Variants in GRIP1 observed in about 807,000 individuals in gnomAD.
The protein encoded by GRIP1 is glutamate receptor interacting protein 1.
Under a neutral mutation model 129.9 loss-of-function variants are expected in GRIP1, and 45 were observed. The observed-to-expected ratio is 0.35, with a 90% CI of 0.27 to 0.44. The LOEUF (loss-of-function observed/expected upper bound fraction) is 0.44. Among genes scored for constraint, GRIP1 ranks in the 20% least tolerant of loss-of-function variants. GRIP1 has a pLI of 1.00. For missense variants in GRIP1, 1,196 were observed against 1,396.8 expected (o/e 0.86, Z 2.29); for synonymous variants, 530 against 520.8 (o/e 1.02, Z -0.24).
In GRIP1 at chr12:67,033,158, G is replaced by A. The variant is rs932710710; in HGVS notation, c.58+35892C>T. The stretch of plus-strand genomic sequence containing the variant: ...AAAATAAAGAAACCTCTTTCTTGCC[G>A]CCTAATTATTCCTAGCTATATATAA... On this transcript the variant is annotated intron_variant, in intron 1 of 1. Transcript: ENST00000643019. Among the ~76,000 whole-genome samples, 9 of 151,520 alleles carry A rather than the reference G, an allele frequency of 5.9e-5. No homozygotes were observed. The East Asian group carries it at 7.7e-4, about 13-fold the overall frequency.
At chr12:66,932,532 G>A (rs1368388243) in intron 1 of GRIP1, among the ~76,000 whole-genome samples, 3 of 151,586 alleles carry the variant, frequency 2.0e-5, no homozygotes, top group African/African-American at 7.3e-5. Context: ...TAAGCGAATA[G>A]GTCACTTAAT....
intron 11 of GRIP1, among the ~76,000 whole-genome samples, chr12:66,450,167 G>T (rs569162328): frequency 1.2e-4 from 18 of 151,838 alleles, no homozygotes; most frequent in Non-Finnish European, 2.5e-4. Context: ...AGCCGGGCGT[G>T]GTGGCAGGCG....
chr12:66,769,621 GTC>G (rs982188028), intron 1 of GRIP1, among the ~76,000 whole-genome samples: 1 of 151,986 alleles, frequency 6.6e-6, no homozygotes, highest in African/African-American at 2.4e-5. Flanking sequence ...ATGGAGAAAA[GTC>G]TGTGTATCCT....
intron 1 of GRIP1, among the ~76,000 whole-genome samples, chr12:66,658,838 T>C (rs914341945): frequency 2.0e-5 from 3 of 151,658 alleles, no homozygotes; most frequent in Non-Finnish European, 4.4e-5. Context: ...GGGGGAAGAT[T>C]GCTTCAGCCT....
At chr12:67,003,715 TAAAAATAAATAA>T (rs1315769205) in intron 1 of GRIP1, among the ~76,000 whole-genome samples, 12 of 151,122 alleles carry the variant, frequency 7.9e-5, no homozygotes, top group East Asian at 5.8e-4. Context: ...AATAAATAAA[TAAAAATAAATAA>T]AAAAATAAAT....
At chr12:66,443,170 A>G (rs771170663) in intron 13 of GRIP1, among the ~76,000 whole-genome samples, 3 of 152,340 alleles carry the variant, frequency 2.0e-5, no homozygotes, top group Middle Eastern at 3.4e-3. Context: ...GCCTGTAACC[A>G]AACTTTAGTT....
chr12:67,030,211 AAATAATAAT>A (rs67187831), intron 1 of GRIP1, among the ~76,000 whole-genome samples: 16 of 145,580 alleles, frequency 1.1e-4, no homozygotes, highest in African/African-American at 3.3e-4. Flanking sequence ...ACTCTGTCTC[AAATAATAAT>A]AATAATAATA....
chr12:66,413,708 T>C (rs1191469941), intron 15 of GRIP1, among the ~76,000 whole-genome samples: 3 of 152,176 alleles, frequency 2.0e-5, no homozygotes, highest in African/African-American at 7.2e-5. Context: ...AATAAAATAC[T>C]GGCAAACTGA....
chr12:66,502,359 T>C (rs1248166391), intron 7 of GRIP1, among the ~76,000 whole-genome samples: 1 of 152,228 alleles, frequency 6.6e-6, no homozygotes, highest in African/African-American at 2.4e-5. Context: ...ATCACCATGG[T>C]ACCTAATACA....
At chr12:66,591,973 C>A (rs772729325) in intron 2 of GRIP1, among the ~76,000 whole-genome samples, 14 of 152,132 alleles carry the variant, frequency 9.2e-5, no homozygotes, top group Admixed American at 3.3e-4. Flanking sequence ...CCAGATGAAG[C>A]AGAACCAGGC....
chr12:66,960,052 T>C (rs1040010805), intron 1 of GRIP1, among the ~76,000 whole-genome samples: 2 of 152,172 alleles, frequency 1.3e-5, no homozygotes, highest in African/African-American at 2.4e-5. Context: ...ATATATGGTA[T>C]GTTTAGGAAA....
chr12:66,851,512 G>C (rs2137079807), intron 1 of GRIP1, among the ~76,000 whole-genome samples: 1 of 152,182 alleles, frequency 6.6e-6, no homozygotes, highest in East Asian at 1.9e-4. Context: ...GCAGGTTTCA[G>C]TGCTAATTTG....
chr12:66,764,797 T>A (rs1266400636), intron 1 of GRIP1, among the ~76,000 whole-genome samples: 1 of 152,190 alleles, frequency 6.6e-6, no homozygotes, highest in Admixed American at 6.5e-5. Flanking sequence ...CTCTTGTCTG[T>A]TTTGCAAAGC....
intron 1 of GRIP1, among the ~76,000 whole-genome samples, chr12:66,913,043 A>G (rs1240764448): frequency 1.3e-5 from 2 of 152,224 alleles, no homozygotes; most frequent in Non-Finnish European, 2.9e-5. Context: ...ACTGCCTACA[A>G]TCTTCACCTG....
At chr12:66,521,538 A>C (rs778304302) in intron 5 of GRIP1, among the ~76,000 whole-genome samples, 18 of 152,248 alleles carry the variant, frequency 1.2e-4, no homozygotes, top group Non-Finnish European at 2.2e-4. Context: ...CAAGTGGCCA[A>C]ATAGGAACAG....
chr12:66,959,703 C>T (rs1351558523), intron 1 of GRIP1, among the ~76,000 whole-genome samples: 2 of 152,100 alleles, frequency 1.3e-5, no homozygotes, highest in Non-Finnish European at 2.9e-5. Context: ...ATATGTATCT[C>T]TTTCCACTTT....
chr12:66,601,913 C>G (rs764953943), intron 1 of GRIP1, among the ~76,000 whole-genome samples: 1 of 152,242 alleles, frequency 6.6e-6, no homozygotes, highest in African/African-American at 2.4e-5. Flanking sequence ...ATAATGACAC[C>G]TTCAGTGGAG....
intron 1 of GRIP1, among the ~76,000 whole-genome samples, chr12:66,597,213 G>A (rs1023090851): frequency 6.6e-6 from 1 of 152,292 alleles, no homozygotes; most frequent in Admixed American, 6.5e-5. Flanking sequence ...ACGGTAAGAA[G>A]TATGCAAATA....
chr12:66,841,632 A>T (rs2039718312), intron 1 of GRIP1, among the ~76,000 whole-genome samples: 1 of 152,178 alleles, frequency 6.6e-6, no homozygotes, highest in Non-Finnish European at 1.5e-5. Flanking sequence ...CTGCCTTTGT[A>T]AGCTGGGCTC....
Sources: gnomAD v4.1 joint callset for allele counts (sites outside exome capture counted in the v4.1 genomes callset) on GRCh38, gnomAD v4.1.1 for gene constraint, MANE v1.5 for transcripts, NCBI Gene and HGNC (gene_info 2026-07-23, HGNC 2026-07-21) for gene names.